The following HDLBP variants were observed in gnomAD, a reference collection of about 807,000 sequenced individuals.
The protein encoded by HDLBP is high density lipoprotein binding protein.
A neutral mutation model predicts 137.3 loss-of-function variants in HDLBP; 30 were observed. The observed-to-expected ratio is 0.22, with a 90% CI of 0.16 to 0.30. HDLBP has a LOEUF of 0.30. HDLBP is among the 10% of genes least tolerant of loss of function. The pLI is 1.00. For missense variants in HDLBP, 1,119 were observed against 1,667.3 expected, an observed-to-expected ratio of 0.67 and a Z score of 5.73; for synonymous variants, 606 against 596.0, an observed-to-expected ratio of 1.02 and a Z score of -0.24.
chr2:241,262,756 A>G lies in HDLBP; in HGVS notation c.405T>C (p.Ala135=). 1.9e-6 allele frequency: 3 copies of G among 1,614,170 alleles called. No individual in the cohort carries two copies. The highest frequency in any genetic ancestry group is 2.5e-6 in the Non-Finnish European group (3 of 1,180,024). The part of the protein sequence containing the change: ...LSIMVSGKLD[A]VMKARKDIVA... ...CAATGTCCTTCCGAGCTTTCATGAC[A>G]GCATCCAGCTTTCCTGACACCATGA... The change falls in exon 5 of 28, where the codon GCT becomes GCC. Residue 135 remains alanine, a synonymous_variant. Coordinates refer to ENST00000310931, the MANE Select transcript of HDLBP (RefSeq NM_005336.6).
intron 1 of HDLBP, among the ~76,000 whole-genome samples, chr2:241,281,595 T>C (rs2074607447): frequency 6.6e-6 from 1 of 152,196 alleles, no homozygotes; most frequent in African/African-American, 2.4e-5. Context: ...AGAAATAGAC[T>C]ACTCTTTTGA....
At chr2:241,311,852 T>C (rs943211445) in intron 1 of HDLBP, among the ~76,000 whole-genome samples, 2 of 152,232 alleles carry the variant, frequency 1.3e-5, no homozygotes, top group Admixed American at 6.5e-5. Context: ...TGGGCAGCCA[T>C]GGATCCGTTT....
intron 1 of HDLBP, among the ~76,000 whole-genome samples, chr2:241,271,744 C>T (rs1402295925): frequency 6.6e-6 from 1 of 152,044 alleles, no homozygotes; most frequent in Non-Finnish European, 1.5e-5. Context: ...AAAAAGCCTC[C>T]GGCTGAAACC....
In HDLBP at chr2:241,256,167, T is replaced by C; in HGVS notation, c.873+17A>G. On this transcript the variant is annotated intron_variant, in intron 7 of 27. Coordinates refer to ENST00000310931, the MANE Select transcript of HDLBP (RefSeq NM_005336.6). ...CTATTCCTGCCCATGGGGATTTGCC[T>C]CCTCTAAATCGTGTACCTTCTCCTC... 2.5e-6 allele frequency: 4 copies of C among 1,606,568 alleles called. No individual in the cohort carries two copies. The highest frequency in any genetic ancestry group is 3.4e-6 in the Non-Finnish European group (4 of 1,173,166).
intron 1 of HDLBP, among the ~76,000 whole-genome samples, chr2:241,305,412 C>T (rs1342461825): frequency 2.6e-5 from 4 of 152,100 alleles, no homozygotes; most frequent in African/African-American, 7.2e-5. Context: ...CGTGAACCAC[C>T]GGACCTGGCC....
intron 5 of HDLBP, among the ~76,000 whole-genome samples, chr2:241,257,052 A>AAGGGAG (rs1244572287): frequency 6.6e-6 from 1 of 152,192 alleles, no homozygotes; most frequent in African/African-American, 2.4e-5. Context: ...TACACCCACA[A>AAGGGAG]AGGGAGACAA....
rs369586700 is a variant in HDLBP at position 241,267,479 on chromosome 2, C to A, written c.-37-573G>T. ...CCGCAGGGGTGGGGGGACCATGGAA[C>A]CTGCCACCTGCCTGACCCAGGCTCC... On this transcript the variant is annotated intron_variant, in intron 2 of 27. Coordinates refer to ENST00000310931, the MANE Select transcript of HDLBP (RefSeq NM_005336.6). The A allele has an allele frequency of 1.2e-4, 138 of 1,174,944 alleles. No homozygotes were observed. In the African/African-American group the frequency reaches 1.6e-3, roughly 14 times the overall value. The allele number at this position is 1,174,944 out of a possible 1,614,324, so 72.8% of individuals were successfully genotyped here.
chr2:241,284,758 T>C (rs1033125681), intron 1 of HDLBP, among the ~76,000 whole-genome samples: 11 of 152,202 alleles, frequency 7.2e-5, no homozygotes, highest in Non-Finnish European at 1.3e-4. Flanking sequence ...CACCCCAACA[T>C]GTAGCAACCT....
chr2:241,235,535 A>G lies in HDLBP; in HGVS notation c.2964T>C (p.Ile988=). Residue 988 remains isoleucine, a synonymous_variant, in exon 22 of 28, where the codon ATT becomes ATC. Coordinates refer to ENST00000310931, the MANE Select transcript of HDLBP (RefSeq NM_005336.6). The part of the protein sequence containing the change: ...EVPFDLHRYV[I]GQKGSGIRKM... ...TGCGGATCCCACTTCCTTTCTGCCC[A>G]ATAACGTAACGGTGAAGGTCAAAGG... 2 of 1,614,144 alleles carry G rather than the reference A, an allele frequency of 1.2e-6. No individual in the cohort carries two copies. The highest frequency in any genetic ancestry group is 1.6e-4 in the Middle Eastern group (1 of 6,062).
chr2:241,266,796 T>C lies in HDLBP; in HGVS notation c.74A>G (p.Lys25Arg). ...HRSGLVPQQIKVATLNSEEES... is the reference protein window; with the variant it reads ...HRSGLVPQQIRVATLNSEEES... ...AGAGCACATAAAAGGGCTGTCACCT[T>C]TGATTTGTTGCGGAACCAGCCCACT... The change falls in exon 3 of 28, where the codon AAA becomes AGA. Residue 25 changes from lysine to arginine, a missense_variant and splice_region_variant. Physicochemically the swap from Lys to Arg is conservative, Grantham distance 26 (BLOSUM62 2). This residue lies in a region of HDLBP where 59 missense variants were observed against 92.4 expected (regional missense o/e 0.64). Coordinates refer to ENST00000310931, the MANE Select transcript of HDLBP (RefSeq NM_005336.6). 6.2e-7 allele frequency: 1 copy of C among 1,600,212 alleles called. No homozygotes were observed. Among genetic ancestry groups the C allele is most frequent in the Middle Eastern group, 1.7e-4 (1 of 6,034 alleles).
chr2:241,283,220 G>C (rs536933554), intron 1 of HDLBP, among the ~76,000 whole-genome samples: 1 of 152,346 alleles, frequency 6.6e-6, no homozygotes, highest in African/African-American at 2.4e-5. Context: ...ATTCCATGAA[G>C]GCTGAGAGAG....
At chr2:241,245,030 G>A (rs1282383088) in intron 16 of HDLBP, among the ~76,000 whole-genome samples, 1 of 151,908 alleles carries the variant, frequency 6.6e-6, no homozygotes, top group Non-Finnish European at 1.5e-5. Flanking sequence ...CGATTAAAAT[G>A]ATACATTCTG....
rs533302832 is a variant in HDLBP at position 241,233,701 on chromosome 2, T to C, written c.3288+119A>G. ...AAGCCAGAATTAGGTCCTGAGAGAC[T>C]TGCCACTCTCAACTTGGCCCTCGAA... On this transcript the variant is annotated intron_variant, in intron 24 of 27. Transcript: ENST00000310931. The surrounding 1 kb of genome is among the most constrained non-coding windows in gnomAD (Gnocchi z 4.3). 1.1e-4 allele frequency: 121 copies of C among 1,088,724 alleles called. No homozygotes were observed. The East Asian group carries it at 2.9e-3, about 26-fold the overall frequency. The allele number at this position is 1,088,724 out of a possible 1,614,324, so 67.4% of individuals were successfully genotyped here.
chr2:241,269,183 A>G (rs1409086075), intron 1 of HDLBP: 1 of 152,210 alleles, frequency 6.6e-6, no homozygotes, highest in African/African-American at 2.4e-5. Context: ...AACTCTGTGA[A>G]GTAGGAGGGT....
At position 241,272,226 on chromosome 2, in the gene HDLBP, T is replaced by A. The variant is rs2074113364; in HGVS notation, c.-102-3685A>T. 4 of 976,678 alleles carry A rather than the reference T, an allele frequency of 4.1e-6. No individual in the cohort carries two copies. The highest frequency in any genetic ancestry group is 6.2e-5 in the Admixed American group (1 of 16,220). 60.5% of individuals were successfully genotyped at this position (976,678 alleles called of 1,614,324 possible). ...GCTGCGGGGGCCCCGCCGCCCGGTC[T>A]GCGCCCAGACCCCCGCCCCGCCGCC... On this transcript the variant is annotated intron_variant, in intron 1 of 27. Coordinates refer to ENST00000310931, the MANE Select transcript of HDLBP (RefSeq NM_005336.6). The surrounding 1 kb of genome is among the most constrained non-coding windows in gnomAD (Gnocchi z 5.6).
rs1484957694 is a variant in HDLBP at position 241,256,747 on chromosome 2, T to C, written c.510A>G (p.Gly170=). 6.2e-7 allele frequency: 1 copy of C among 1,614,208 alleles called. No individual in the cohort carries two copies. Among genetic ancestry groups the C allele is most frequent in the Non-Finnish European group, 8.5e-7 (1 of 1,180,036 alleles). Residue 170 remains glycine (G), a synonymous_variant, in exon 6 of 28, where the codon GGA becomes GGG. Transcript: ENST00000310931. ...TTAGCTCCAAGTCTTGCAGTTTCTC[T>C]CCATTTTTGCCAATAACAAAGCGAT... ...EHHRFVIGKN[G]EKLQDLELKT... is the part of the protein sequence containing the mutation.
chr2:241,274,599 C>T (rs1373305740), intron 1 of HDLBP, among the ~76,000 whole-genome samples: 1 of 152,192 alleles, frequency 6.6e-6, no homozygotes, highest in Non-Finnish European at 1.5e-5. Context: ...GAAGTCAGCA[C>T]AGGCACAGTA....
Position 241,227,711 on chromosome 2 carries a change from TAGAAA to T in HDLBP, c.*1885_*1889del, listed in dbSNP as rs76284946. 6 of 152,626 alleles carry T rather than the reference TAGAAA, an allele frequency of 3.9e-5. No individual in the cohort carries two copies. The East Asian group carries it at 1.2e-3, about 29-fold the overall frequency. The allele number at this position is 152,626 out of a possible 1,614,324, so 9.5% of individuals were successfully genotyped here. A position where few individuals can be genotyped will look rare whatever the true frequency, so the allele number is the denominator to read the frequency against. On this transcript the variant is annotated 3_prime_UTR_variant, in exon 28 of 28. Coordinates refer to ENST00000310931, the MANE Select transcript of HDLBP (RefSeq NM_005336.6). ...AGGGGCAGGATGTTTTATGACACTG[TAGAAA>T]AGACAGGAGGAACCCGCTGCGATGG...
At position 241,238,869 on chromosome 2, in the gene HDLBP, C is replaced by G; in HGVS notation, c.2611-82G>C. ...AAGTTTTACAGCACTCTTCACACCACCTTCCTCCCTGTCCTCTACAGCCAC... is the reference window on the plus strand; with the variant it reads ...AAGTTTTACAGCACTCTTCACACCAGCTTCCTCCCTGTCCTCTACAGCCAC... On this transcript the variant is annotated intron_variant, in intron 19 of 27. Coordinates refer to ENST00000310931, the MANE Select transcript of HDLBP (RefSeq NM_005336.6). The surrounding 1 kb of genome is among the most constrained non-coding windows in gnomAD (Gnocchi z 4.9). 1 of 1,173,500 alleles carries G rather than the reference C, an allele frequency of 8.5e-7. No individual in the cohort carries two copies. Among genetic ancestry groups the G allele is most frequent in the Non-Finnish European group, 1.2e-6 (1 of 851,096 alleles). 72.7% of individuals were successfully genotyped at this position (1,173,500 alleles called of 1,614,324 possible).
Sources: gnomAD v4.1 joint callset for allele counts (sites outside exome capture counted in the v4.1 genomes callset) on GRCh38, gnomAD v4.1.1 for gene constraint, gnomAD v4.1.1 regional missense constraint, Gnocchi (gnomAD v3.1) non-coding constraint, MANE v1.5 for transcripts, NCBI Gene and HGNC (gene_info 2026-07-23, HGNC 2026-07-21) for gene names.